CNTNAP2: variants seen among roughly 807,000 people sequenced by gnomAD.
CNTNAP2 encodes contactin-associated protein-like 2.
In CNTNAP2, 98 loss-of-function variants were observed where a neutral mutation model predicts 155.2. The ratio of observed to expected loss-of-function variants is 0.63; its 90% CI spans 0.54 to 0.75. The LOEUF (loss-of-function observed/expected upper bound fraction) is 0.75, where lower values mean the gene tolerates loss of function less well. CNTNAP2 is among the 30% of genes least tolerant of loss of function. The pLI is 0.00. For missense variants in CNTNAP2, 1,727 were observed against 1,688.1 expected, an observed-to-expected ratio of 1.02 and a Z score of -0.40; for synonymous variants, 651 against 631.2, an observed-to-expected ratio of 1.03 and a Z score of -0.47.
chr7:147,022,455 G>A (rs962889580), intron 3 of CNTNAP2, among the ~76,000 whole-genome samples: 1 of 151,562 alleles, frequency 6.6e-6, no homozygotes, highest in African/African-American at 2.4e-5. Flanking sequence ...AAGTGTTCAG[G>A]GTTATCTACA....
intron 3 of CNTNAP2, among the ~76,000 whole-genome samples, chr7:146,972,479 A>C (rs762478126): frequency 6.6e-6 from 1 of 152,238 alleles, no homozygotes; most frequent in Non-Finnish European, 1.5e-5. Flanking sequence ...AATACATAGC[A>C]CAAAAGAATT....
At chr7:147,599,093 TA>T (rs889014714) in intron 12 of CNTNAP2, among the ~76,000 whole-genome samples, 1 of 152,122 alleles carries the variant, frequency 6.6e-6, no homozygotes, top group Non-Finnish European at 1.5e-5. Flanking sequence ...GACCACGTTG[TA>T]AAAACTTCTC....
In CNTNAP2 at chr7:147,288,810, C is replaced by T. The variant is rs546180724; in HGVS notation, c.1349-11331C>T. On this transcript the variant is annotated intron_variant, in intron 8 of 23. Coordinates refer to ENST00000361727, the MANE Select transcript of CNTNAP2 (RefSeq NM_014141.6). The stretch of plus-strand genomic sequence containing the variant: ...AAGTCTGTATTTAAAACCTGAAACC[C>T]ATCTCAAATGCCACTCTATAATGTC... Among the ~76,000 whole-genome samples the T allele has an allele frequency of 3.9e-5, 6 of 152,228 alleles. No homozygotes were observed. The South Asian group carries it at 1.2e-3, about 32-fold the overall frequency.
At chr7:148,218,533 A>T (rs1309340936) in intron 19 of CNTNAP2, among the ~76,000 whole-genome samples, 2 of 152,122 alleles carry the variant, frequency 1.3e-5, no homozygotes, top group African/African-American at 4.8e-5. Flanking sequence ...CCGGGATCAC[A>T]GGCACATACC....
intron 8 of CNTNAP2, among the ~76,000 whole-genome samples, chr7:147,270,188 C>T (rs1804711924): frequency 1.3e-5 from 2 of 152,198 alleles, no homozygotes; most frequent in South Asian, 2.1e-4. Context: ...CATGTCTCTT[C>T]TTTCTATATC....
chr7:146,152,295 T>C (rs773241610), intron 1 of CNTNAP2, among the ~76,000 whole-genome samples: 1 of 152,012 alleles, frequency 6.6e-6, no homozygotes, highest in Non-Finnish European at 1.5e-5. Flanking sequence ...ATCTCACTCA[T>C]ATGTAGAATG....
At position 147,277,389 on chromosome 7, in the gene CNTNAP2, GA is replaced by G. The variant is rs148857654; in HGVS notation, c.1349-22747del. On this transcript the variant is annotated intron_variant, in intron 8 of 23. Transcript: ENST00000361727. ...AGCCAAATGAGAACCAAAAAGAAAA[GA>G]AAAACAGAAGAACCATAGCATTACA... 7.3e-3 allele frequency among the ~76,000 whole-genome samples: 1,106 copies of G among 151,856 alleles called. 14 individuals carry two copies. Among genetic ancestry groups the G allele is most frequent in the African/African-American group, 0.025 (1,054 of 41,464 alleles).
intron 1 of CNTNAP2, among the ~76,000 whole-genome samples, chr7:146,144,216 A>G (rs1448612234): frequency 1.3e-5 from 2 of 151,982 alleles, no homozygotes; most frequent in Non-Finnish European, 2.9e-5. Context: ...CAGTAGTGTG[A>G]TCTCAGCTCA....
chr7:146,831,934 TTTATA>T (rs1286827667), intron 2 of CNTNAP2, among the ~76,000 whole-genome samples: 2 of 152,202 alleles, frequency 1.3e-5, no homozygotes, highest in Non-Finnish European at 2.9e-5. Context: ...TTGAACCTTA[TTTATA>T]TAAGTATTAA....
At chr7:147,918,355 A>G (rs1800197584) in intron 14 of CNTNAP2, among the ~76,000 whole-genome samples, 1 of 152,240 alleles carries the variant, frequency 6.6e-6, no homozygotes, top group Admixed American at 6.5e-5. Context: ...ATAAACCCAC[A>G]TAGACATACA....
At chr7:147,884,995 G>T (rs1799581346) in intron 13 of CNTNAP2, among the ~76,000 whole-genome samples, 1 of 152,226 alleles carries the variant, frequency 6.6e-6, no homozygotes, top group Admixed American at 6.5e-5. Context: ...TTGCTCTGCT[G>T]TTGAAGAATG....
intron 16 of CNTNAP2, among the ~76,000 whole-genome samples, chr7:148,133,147 C>T (rs1804867879): frequency 6.6e-6 from 1 of 152,022 alleles, no homozygotes; most frequent in Non-Finnish European, 1.5e-5. Context: ...CCCTAGGTTT[C>T]TGCAGCCATA....
At chr7:147,546,207 A>G (rs1799727176) in intron 11 of CNTNAP2, among the ~76,000 whole-genome samples, 1 of 152,192 alleles carries the variant, frequency 6.6e-6, no homozygotes, top group South Asian at 2.1e-4. Flanking sequence ...TGACAAGAGC[A>G]CAGATGAGAG....
chr7:147,322,197 C>T (rs568810049), intron 9 of CNTNAP2, among the ~76,000 whole-genome samples: 7 of 152,256 alleles, frequency 4.6e-5, no homozygotes, highest in South Asian at 2.1e-4. Context: ...ACAATGTTTA[C>T]GCATGTATCA....
Position 146,731,866 on chromosome 7 carries a change from T to C in CNTNAP2, c.98-42405T>C, listed in dbSNP as rs369704596. Among the ~76,000 whole-genome samples the C allele has an allele frequency of 5.9e-5, 9 of 152,252 alleles. No homozygotes were observed. The East Asian group carries it at 1.7e-3, about 29-fold the overall frequency. On this transcript the variant is annotated intron_variant, in intron 1 of 23. Coordinates refer to ENST00000361727, the MANE Select transcript of CNTNAP2 (RefSeq NM_014141.6). ...TATTAAATAATTTTTTGAAAAAATA[T>C]ACTCATGTATATATTCCTTAGTTTT...
chr7:146,921,391 G>A (rs929757148), intron 3 of CNTNAP2, among the ~76,000 whole-genome samples: 22 of 152,160 alleles, frequency 1.4e-4, no homozygotes, highest in Non-Finnish European at 2.4e-4. Context: ...TGAAACCTAA[G>A]CCAGAACATC....
chr7:148,240,017 G>T (rs924941646), intron 20 of CNTNAP2, among the ~76,000 whole-genome samples: 2 of 152,196 alleles, frequency 1.3e-5, no homozygotes, highest in Non-Finnish European at 2.9e-5. Flanking sequence ...TGGTGAGAAA[G>T]TTCCAAACAG....
At chr7:148,301,306 A>AAAATATATAT in intron 21 of CNTNAP2, among the ~76,000 whole-genome samples, 13 of 103,846 alleles carry the variant, frequency 1.3e-4, no homozygotes, top group African/African-American at 3.4e-4. Context: ...AAAAAAAAAA[A>AAAATATATAT]ATATATATAT....
chr7:146,254,328 C>A (rs1563009752), intron 1 of CNTNAP2, among the ~76,000 whole-genome samples: 1 of 152,186 alleles, frequency 6.6e-6, no homozygotes, highest in African/African-American at 2.4e-5. Context: ...ATAAGCATTT[C>A]ATGTGTATTT....
Sources: gnomAD v4.1 joint callset for allele counts (sites outside exome capture counted in the v4.1 genomes callset) on GRCh38, gnomAD v4.1.1 for gene constraint, MANE v1.5 for transcripts, NCBI Gene and HGNC (gene_info 2026-07-23, HGNC 2026-07-21) for gene names.